Variants in YTHDC2 observed in about 807,000 individuals in gnomAD.
YTHDC2 encodes YTH N6-methyladenosine RNA binding protein C2, also known as 3'-5' RNA helicase YTHDC2.
A neutral mutation model predicts 174.9 loss-of-function variants in YTHDC2; 45 were observed. The observed-to-expected ratio is 0.26, with a 90% CI of 0.20 to 0.33. The LOEUF (loss-of-function observed/expected upper bound fraction) is 0.33, where lower values mean the gene tolerates loss of function less well. Ranked by LOEUF, YTHDC2 falls within the 10% of genes least tolerant of loss-of-function variation. The pLI is 1.00. For synonymous variants in YTHDC2, 657 were observed against 574.5 expected (o/e 1.14, Z -2.05); for missense variants, 1,650 against 1,723.7 (o/e 0.96, Z 0.76).
chr5:113,553,664 C>G lies in YTHDC2; in HGVS notation c.1942C>G (p.Arg648Gly). The G allele has an allele frequency of 6.2e-7, 1 of 1,613,478 alleles. No homozygotes were observed. The highest frequency in any genetic ancestry group is 8.5e-7 in the Non-Finnish European group (1 of 1,179,572). ...LRDRILFDDK[R>G]FADSTHRYQV... is the part of the protein sequence containing the mutation. ...AGATCGCATCCTGTTTGATGACAAG[C>G]GGTTTGCTGACAGTACACATAGGTA... The change falls in exon 14 of 30, where the codon CGG becomes GGG. Residue 648 changes from arginine to glycine, a missense_variant. This residue lies in a region of YTHDC2 where 913 missense variants were observed against 940.4 expected (regional missense o/e 0.97). Transcript: ENST00000161863.
intron 23 of YTHDC2, among the ~76,000 whole-genome samples, chr5:113,574,931 C>G (rs1384762518): frequency 2.0e-5 from 3 of 152,176 alleles, no homozygotes; most frequent in Non-Finnish European, 4.4e-5. Context: ...AATGTGGTTT[C>G]CCGGGAGGGG....
In YTHDC2 at chr5:113,575,428, A is replaced by T. The variant is rs1391364541; in HGVS notation, c.3245-4158A>T. Among the ~76,000 whole-genome samples the T allele has an allele frequency of 2.6e-5, 4 of 152,214 alleles. No individual in the cohort carries two copies. The East Asian group carries it at 7.7e-4, about 29-fold the overall frequency. On this transcript the variant is annotated intron_variant, in intron 23 of 29. Coordinates refer to ENST00000161863, the MANE Select transcript of YTHDC2 (RefSeq NM_022828.5). The stretch of plus-strand genomic sequence containing the variant: ...ATACTATTAAGGAAATACAAAGAGG[A>T]TCGCCTTAGGGGTGACCTACTTGAA...
At chr5:113,533,155 T>A in intron 5 of YTHDC2, 110 bp downstream of exon 5, 1 of 1,212,182 alleles carries the variant, frequency 8.2e-7, no homozygotes. Flanking sequence ...ATCATTTTGC[T>A]CCAAGTAAGT....
At position 113,563,384 on chromosome 5, in the gene YTHDC2, A is replaced by G. The variant is rs774857529; in HGVS notation, c.2334A>G (p.Leu778=). The G allele has an allele frequency of 6.2e-7, 1 of 1,609,872 alleles. No homozygotes were observed. Among genetic ancestry groups the G allele is most frequent in the Non-Finnish European group, 8.5e-7 (1 of 1,177,916 alleles). Residue 778 remains leucine (L), a synonymous_variant, in exon 19 of 30, where the codon TTA becomes TTG. Transcript: ENST00000161863. ...LLRMPLQELC[L]HTKLLAPVNC... ...GTTTTGGTTTATAGGAACTTTGCTT[A>G]CATACCAAGCTGTTAGCCCCAGTTA...
intron 8 of YTHDC2, among the ~76,000 whole-genome samples, 192 bp downstream of exon 8, chr5:113,539,373 C>G (rs1308796204): frequency 6.6e-6 from 1 of 152,114 alleles, no homozygotes; most frequent in African/African-American, 2.4e-5. Context: ...AAGTTATAAT[C>G]TGTGGAGAGA....
chr5:113,527,766 A>G (rs1480081333), intron 4 of YTHDC2, among the ~76,000 whole-genome samples: 3 of 152,106 alleles, frequency 2.0e-5, no homozygotes, highest in African/African-American at 7.2e-5. Context: ...TGAAGACTAT[A>G]CAAGATCTTT....
intron 16 of YTHDC2, among the ~76,000 whole-genome samples, chr5:113,555,714 G>A (rs1561667616): frequency 6.6e-6 from 1 of 152,150 alleles, no homozygotes; most frequent in Non-Finnish European, 1.5e-5. Context: ...ATAGGAAAGT[G>A]ACCTCAAGGG....
intron 23 of YTHDC2, among the ~76,000 whole-genome samples, chr5:113,569,170 C>G (rs1777555535): frequency 6.6e-6 from 1 of 151,914 alleles, no homozygotes; most frequent in South Asian, 2.1e-4. Context: ...CTGTTCGTGT[C>G]CTTTGCCCAC....
intron 25 of YTHDC2, chr5:113,582,827 A>T (rs979916469): frequency 1.3e-5 from 2 of 152,144 alleles, no homozygotes; most frequent in Non-Finnish European, 2.9e-5. Flanking sequence ...TTCTTCAGAT[A>T]TTACATTTTA....
Position 113,584,394 on chromosome 5 carries a change from G to C in YTHDC2, c.3740G>C (p.Arg1247Pro), listed in dbSNP as rs761351976. 8.7e-6 allele frequency: 14 copies of C among 1,613,810 alleles called. No homozygotes were observed. The highest frequency in any genetic ancestry group is 1.7e-5 in the Admixed American group (1 of 60,016). ...ILHPKRGTED[R>P]SDQSSLKSTD... ...CATCCTAAACGAGGTACTGAGGACC[G>C]ATCAGATCAGTCTTCTCTGAAATCT... Residue 1247 changes from arginine to proline, a missense_variant, in exon 26 of 30, where the codon CGA becomes CCA. Physicochemically the swap from Arg to Pro is moderately radical, Grantham distance 103. Transcript: ENST00000161863.
At chr5:113,577,644 A>G (rs1473822921) in intron 23 of YTHDC2, among the ~76,000 whole-genome samples, 1 of 152,200 alleles carries the variant, frequency 6.6e-6, no homozygotes, top group Non-Finnish European at 1.5e-5. Flanking sequence ...TGTTGGGATT[A>G]CAGGCGTGAG....
At position 113,563,869 on chromosome 5, in the gene YTHDC2, C is replaced by G. The variant is rs1777168352; in HGVS notation, c.2453C>G (p.Ala818Gly). 4 of 1,614,004 alleles carry G rather than the reference C, an allele frequency of 2.5e-6. No individual in the cohort carries two copies. Among genetic ancestry groups the G allele is most frequent in the South Asian group, 1.1e-5 (1 of 91,090 alleles). Reference protein sequence around the residue: ...NAVQMLKTIDAMDTWEDLTEL... With the variant: ...NAVQMLKTIDGMDTWEDLTEL... The stretch of plus-strand genomic sequence containing the variant: ...TCTCCTTTTACTTAGACAATAGATG[C>G]AATGGATACATGGGAAGATCTGACT... The change falls in exon 20 of 30, where the codon GCA becomes GGA. Residue 818 changes from alanine to glycine, a missense_variant. Physicochemically the swap from Ala to Gly is moderately conservative, Grantham distance 60 (BLOSUM62 0). This residue lies in a region of YTHDC2 where 913 missense variants were observed against 940.4 expected (regional missense o/e 0.97). Coordinates refer to ENST00000161863, the MANE Select transcript of YTHDC2 (RefSeq NM_022828.5).
intron 6 of YTHDC2, 68 bp from the exon 7 acceptor site, chr5:113,535,574 T>C: frequency 4.3e-6 from 6 of 1,407,650 alleles, no homozygotes; most frequent in Non-Finnish European, 5.7e-6. Context: ...AGTGGTGCCA[T>C]TGTTTTTAAA....
chr5:113,539,472 C>T (rs1446083756), intron 8 of YTHDC2, among the ~76,000 whole-genome samples: 3 of 152,078 alleles, frequency 2.0e-5, no homozygotes, highest in Non-Finnish European at 4.4e-5. Flanking sequence ...ATGCTGGCTG[C>T]CCACAGCATA....
chr5:113,561,475 T>A (rs1055754156), intron 18 of YTHDC2, among the ~76,000 whole-genome samples: 56 of 136,180 alleles, frequency 4.1e-4, no homozygotes, highest in Middle Eastern at 3.9e-3. Context: ...CTATCTATAT[T>A]TTTTTTTTTT....
At chr5:113,515,151 CAAAT>C (rs1044458447) in intron 1 of YTHDC2, 117 bp from the exon 2 acceptor site, 25 of 573,232 alleles carry the variant, frequency 4.4e-5, no homozygotes, top group South Asian at 1.9e-4. Flanking sequence ...AAGTTAACCT[CAAAT>C]AAAGTATAAT....
intron 23 of YTHDC2, among the ~76,000 whole-genome samples, chr5:113,568,595 G>T (rs575845610): frequency 6.6e-6 from 1 of 152,238 alleles, no homozygotes; most frequent in South Asian, 2.1e-4. Flanking sequence ...TCATCATTCA[G>T]CTCCCACTTA....
In YTHDC2 at chr5:113,565,903, A is replaced by G; in HGVS notation, c.2726A>G (p.Lys909Arg). Residue 909 changes from lysine to arginine, a missense_variant, in exon 21 of 30, where the codon AAA (lysine) becomes AGA (arginine). By Grantham distance (26) the Lys-to-Arg change is conservative. This residue lies in a region of YTHDC2 where 913 missense variants were observed against 940.4 expected (regional missense o/e 0.97). Coordinates refer to ENST00000161863, the MANE Select transcript of YTHDC2 (RefSeq NM_022828.5). The stretch of plus-strand genomic sequence containing the variant: ...ATTCTCTTTTTATAGGCCTGGCAAA[A>G]AGCACGAAGTGATGGGTGGGAGCGA... ...ALLRAFQAWQKARSDGWERAF... is the reference protein window; with the variant it reads ...ALLRAFQAWQRARSDGWERAF... The G allele has an allele frequency of 6.2e-7, 1 of 1,611,738 alleles. No individual in the cohort carries two copies. Among genetic ancestry groups the G allele is most frequent in the Non-Finnish European group, 8.5e-7 (1 of 1,179,094 alleles).
At chr5:113,563,581 T>G in intron 19 of YTHDC2, 89 bp downstream of exon 19, 1 of 1,376,368 alleles carries the variant, frequency 7.3e-7, no homozygotes, top group Non-Finnish European at 9.7e-7. Context: ...TTTTGTATAA[T>G]TATTTTTTAT....
Sources: allele counts gnomAD v4.1 joint callset (sites outside exome capture counted in the v4.1 genomes callset), GRCh38; gene constraint gnomAD v4.1.1; regional missense constraint gnomAD v4.1.1; transcripts MANE v1.5; gene names NCBI Gene and HGNC (gene_info 2026-07-23, HGNC 2026-07-21).